MYRF: variants seen among roughly 807,000 people sequenced by gnomAD.
MYRF encodes myelin gene regulatory factor.
MYRF carries 16 observed loss-of-function variants against 126.3 expected under a neutral mutation model. That is an observed-to-expected ratio of 0.13 (90% CI 0.09 to 0.19). The LOEUF (loss-of-function observed/expected upper bound fraction) is 0.19, where lower values mean the gene tolerates loss of function less well. MYRF is among the 10% of genes least tolerant of loss of function. MYRF has a pLI of 1.00. For missense variants in MYRF, 1,104 were observed against 1,547.0 expected, an observed-to-expected ratio of 0.71 and a Z score of 4.80; for synonymous variants, 608 against 635.3, an observed-to-expected ratio of 0.96 and a Z score of 0.65.
chr11:61,761,959 G>C (rs538092169), intron 1 of MYRF, among the ~76,000 whole-genome samples: 1 of 152,244 alleles, frequency 6.6e-6, no homozygotes, highest in Non-Finnish European at 1.5e-5. Context: ...CCTGCCCAGC[G>C]GGGTGTGTGT....
At position 61,779,727 on chromosome 11, in the gene MYRF, G is replaced by T. The variant is rs2066487459; in HGVS notation, c.2248-115G>T. 2.1e-5 allele frequency: 26 copies of T among 1,212,830 alleles called. 1 individual carries two copies. The South Asian group carries it at 3.7e-4, about 17-fold the overall frequency. 75.1% of individuals were successfully genotyped at this position (1,212,830 alleles called of 1,614,324 possible). On this transcript the variant is annotated intron_variant, in intron 16 of 26. Transcript: ENST00000278836. ...CCCCGTTTCTCTTTCTTCTCCCTTT[G>T]CCCCCGGGGAAATGGGGCACCCCCT...
intron 16 of MYRF, 75 bp downstream of exon 16, chr11:61,779,645 C>G: frequency 7.3e-7 from 1 of 1,367,182 alleles, no homozygotes; most frequent in Non-Finnish European, 9.8e-7. Context: ...GCTTGCAGTT[C>G]TCCAGCCTCA....
At position 61,786,092 on chromosome 11, in the gene MYRF, C is replaced by T. The variant is rs73487452; in HGVS notation, c.3405C>T (p.Leu1135=). Residue 1135 remains leucine, a synonymous_variant, in exon 27 of 27, where the codon CTC becomes CTT. Transcript: ENST00000278836. This position sits in a 1 kb window ranked among gnomAD's most constrained non-coding sequence, Gnocchi z 4.5. ...AGGCCAACTGCAGTTCAGAGGCTCT[C>T]GCCCAGCCAGCCACAGACTACCACT... The part of the protein sequence containing the change: ...LGQANCSSEA[L]AQPATDYHFH... 7.2e-4 allele frequency: 1,167 copies of T among 1,614,232 alleles called. 8 individuals carry two copies. The African/African-American group carries it at 0.011, about 15-fold the overall frequency.
intron 25 of MYRF, 38 bp from the exon 26 acceptor site, chr11:61,785,762 C>T: frequency 6.4e-7 from 1 of 1,563,740 alleles, no homozygotes; most frequent in Non-Finnish European, 8.8e-7. Context: ...GGGATAAGGG[C>T]AGCAGTCTGT....
At chr11:61,781,493 G>A in intron 21 of MYRF, 80 bp from the exon 22 acceptor site, 1 of 1,562,074 alleles carries the variant, frequency 6.4e-7, no homozygotes, top group African/African-American at 1.4e-5. Context: ...GGTTCACTCA[G>A]TCTTGTGGGG....
In MYRF at chr11:61,777,536, A is replaced by AG; in HGVS notation, c.1791+77dup. The AG allele has an allele frequency of 8.0e-7, 1 of 1,251,326 alleles. No homozygotes were observed. The highest frequency in any genetic ancestry group is 1.1e-6 in the Non-Finnish European group (1 of 910,156). 77.5% of individuals were successfully genotyped at this position (1,251,326 alleles called of 1,614,324 possible). ...GGCCGCGGGGGCGGGGCTCCTGGGGAGGGGGCGTGACTACGCGGAAAGGCG... is the reference window on the plus strand; with the variant it reads ...GGCCGCGGGGGCGGGGCTCCTGGGGAGGGGGGCGTGACTACGCGGAAAGGCG... On this transcript the variant is annotated intron_variant, in intron 12 of 26. Coordinates refer to ENST00000278836, the MANE Select transcript of MYRF (RefSeq NM_001127392.3). The surrounding 1 kb of genome is among the most constrained non-coding windows in gnomAD (Gnocchi z 8.8).
At chr11:61,761,256 T>TGGTGGGG (rs2065888937) in intron 1 of MYRF, among the ~76,000 whole-genome samples, 3 of 33,550 alleles carry the variant, frequency 8.9e-5, no homozygotes, top group African/African-American at 3.1e-4. Flanking sequence ...CGGCCACAGC[T>TGGTGGGG]GGTGGGGGGG....
Position 61,765,941 on chromosome 11 carries a change from GC to G in MYRF, c.135-11del. 2.0e-6 allele frequency: 3 copies of G among 1,484,762 alleles called. No homozygotes were observed. The highest frequency in any genetic ancestry group is 2.4e-5 in the East Asian group (1 of 41,762). 92.0% of individuals were successfully genotyped at this position (1,484,762 alleles called of 1,614,324 possible). A position where few individuals can be genotyped will look rare whatever the true frequency, so the allele number is the denominator to read the frequency against. On this transcript the variant is annotated splice_polypyrimidine_tract_variant and intron_variant, in intron 2 of 26. Coordinates refer to ENST00000278836, the MANE Select transcript of MYRF (RefSeq NM_001127392.3). ...CTGGGGTCCTGGCTGGAGCTGAGCC[GC>G]CCCCCTTCCCCGCAGCTGCTTCCCT... is the stretch of plus-strand genomic sequence containing the variant.
In MYRF at chr11:61,783,571, C is replaced by T; in HGVS notation, c.3090C>T (p.Ser1030=). Residue 1030 remains serine, a synonymous_variant, in exon 23 of 27, where the codon TCC becomes TCT. Coordinates refer to ENST00000278836, the MANE Select transcript of MYRF (RefSeq NM_001127392.3). The surrounding 1 kb of genome is among the most constrained non-coding windows in gnomAD (Gnocchi z 4.6). Reference sequence around the variant, plus strand: ...TGGAGAATTCGATGTCCATCACCTCCCAGTACTGTGCTCCAGGGGATGCCT... The same window carrying T: ...TGGAGAATTCGATGTCCATCACCTCTCAGTACTGTGCTCCAGGGGATGCCT... ...QVLENSMSIT[S]QYCAPGDACR... 6.2e-7 allele frequency: 1 copy of T among 1,613,776 alleles called. No homozygotes were observed. Among genetic ancestry groups the T allele is most frequent in the South Asian group, 1.1e-5 (1 of 91,086 alleles).
In MYRF at chr11:61,779,378, G is replaced by C. The variant is rs1182472438; in HGVS notation, c.2129G>C (p.Arg710Pro). ...ERWSHKLAKL[R>P]RLDSLKSTGS... Reference sequence around the variant, plus strand: ...TGGAGCCACAAGCTGGCCAAGCTGCGGCGGCTCGACAGCCTCAAGTCCACC... The same window carrying C: ...TGGAGCCACAAGCTGGCCAAGCTGCCGCGGCTCGACAGCCTCAAGTCCACC... The change falls in exon 15 of 27, where the codon CGG becomes CCG. Residue 710 changes from arginine (R) to proline (P), a missense_variant. Arg to Pro is a moderately radical substitution (Grantham distance 103). Coordinates refer to ENST00000278836, the MANE Select transcript of MYRF (RefSeq NM_001127392.3). The C allele has an allele frequency of 6.4e-7, 1 of 1,551,258 alleles. No individual in the cohort carries two copies. The highest frequency in any genetic ancestry group is 1.4e-5 in the African/African-American group (1 of 73,164).
intron 7 of MYRF, among the ~76,000 whole-genome samples, chr11:61,773,416 G>T (rs758834662): frequency 2.6e-4 from 39 of 152,282 alleles, no homozygotes; most frequent in Non-Finnish European, 4.6e-4. Flanking sequence ...TTCCCTCCCC[G>T]GGCAGACGGA....
intron 1 of MYRF, among the ~76,000 whole-genome samples, chr11:61,753,146 C>G (rs952032655): frequency 5.3e-5 from 8 of 152,140 alleles, no homozygotes; most frequent in Admixed American, 2.0e-4. Context: ...TACTTTGCTT[C>G]CCCAGAACCC....
At chr11:61,762,789 C>T (rs1043566873) in intron 1 of MYRF, among the ~76,000 whole-genome samples, 1 of 152,140 alleles carries the variant, frequency 6.6e-6, no homozygotes, top group African/African-American at 2.4e-5. Flanking sequence ...CCCTCCGAGC[C>T]CCCAACCCTC....
chr11:61,781,312 C>T lies in MYRF; in HGVS notation c.2747C>T (p.Pro916Leu), dbSNP rs1419847734. The T allele has an allele frequency of 1.9e-6, 3 of 1,614,040 alleles. No individual in the cohort carries two copies. The highest frequency in any genetic ancestry group is 1.1e-5 in the South Asian group (1 of 91,082). The change falls in exon 21 of 27, where the codon CCC becomes CTC. Residue 916 changes from proline to leucine, a missense_variant. Transcript: ENST00000278836. ...PGHVLSPSPS[P>L]STNRSGPSQM... ...CATGTTCTCAGCCCAAGTCCCAGCCCCAGCACCAACCGCTCAGGTAAGGCT... is the reference window on the plus strand; with the variant it reads ...CATGTTCTCAGCCCAAGTCCCAGCCTCAGCACCAACCGCTCAGGTAAGGCT...
intron 1 of MYRF, among the ~76,000 whole-genome samples, chr11:61,761,195 C>T (rs954734302): frequency 3.3e-5 from 5 of 149,842 alleles, no homozygotes; most frequent in Admixed American, 1.3e-4. Flanking sequence ...CCCACTGTGC[C>T]GTGTCCCCAC....
Position 61,776,311 on chromosome 11 carries a change from C to T in MYRF, c.1389-11C>T, listed in dbSNP as rs780972700. The T allele has an allele frequency of 5.8e-5, 94 of 1,607,732 alleles. No homozygotes were observed. Among genetic ancestry groups the T allele is most frequent in the Admixed American group, 1.7e-4 (10 of 59,640 alleles). On this transcript the variant is annotated splice_polypyrimidine_tract_variant and intron_variant, in intron 9 of 26. Coordinates refer to ENST00000278836, the MANE Select transcript of MYRF (RefSeq NM_001127392.3). The surrounding 1 kb of genome is among the most constrained non-coding windows in gnomAD (Gnocchi z 4.3). ...TCCCTGCCCCCTGAGCACCCTGCCTCTCCTCTGCAGGGTCAATCTGCCCCC... is the reference window on the plus strand; with the variant it reads ...TCCCTGCCCCCTGAGCACCCTGCCTTTCCTCTGCAGGGTCAATCTGCCCCC...
In MYRF at chr11:61,778,347, C is replaced by T; in HGVS notation, c.1904-33C>T. The T allele has an allele frequency of 1.4e-6, 2 of 1,427,000 alleles. No homozygotes were observed. The highest frequency in any genetic ancestry group is 1.4e-5 in the African/African-American group (1 of 71,338). The allele number at this position is 1,427,000 out of a possible 1,614,324, so 88.4% of individuals were successfully genotyped here. On this transcript the variant is annotated intron_variant, in intron 13 of 26. Coordinates refer to ENST00000278836, the MANE Select transcript of MYRF (RefSeq NM_001127392.3). The surrounding 1 kb of genome is among the most constrained non-coding windows in gnomAD (Gnocchi z 4.6). ...GCTGTGAGTAGCCCTTTACCACCCC[C>T]CCACCCATCTTTGGCTTGTCCCCTG...
intron 1 of MYRF, among the ~76,000 whole-genome samples, chr11:61,761,798 A>G (rs138345612): frequency 2.0e-5 from 3 of 152,388 alleles, no homozygotes; most frequent in Non-Finnish European, 2.9e-5. Flanking sequence ...TTCCTCATCT[A>G]TAAAATGAAG....
At chr11:61,755,403 A>T in intron 1 of MYRF, 1 of 1,607,762 alleles carries the variant, frequency 6.2e-7, no homozygotes, top group Non-Finnish European at 8.5e-7. Flanking sequence ...GGGCCTGCAG[A>T]GAGGGGACCC....
Sources: allele counts gnomAD v4.1 joint callset (sites outside exome capture counted in the v4.1 genomes callset), GRCh38; gene constraint gnomAD v4.1.1; non-coding constraint Gnocchi (gnomAD v3.1); transcripts MANE v1.5; gene names NCBI Gene and HGNC (gene_info 2026-07-23, HGNC 2026-07-21).